STT3B: variants seen among roughly 807,000 people sequenced by gnomAD.
STT3B encodes the protein dolichyl-diphosphooligosaccharide--protein glycosyltransferase subunit STT3B.
In STT3B, 29 loss-of-function variants were observed where a neutral mutation model predicts 96.8. That is an observed-to-expected ratio of 0.30 (90% CI 0.22 to 0.41). STT3B has a LOEUF of 0.41. Among genes scored for constraint, STT3B ranks in the 10% least tolerant of loss-of-function variants. STT3B has a pLI of 1.00. For synonymous variants in STT3B, 367 were observed against 360.0 expected (o/e 1.02, Z -0.22); for missense variants, 640 against 1,022.3 (o/e 0.63, Z 5.10).
chr3:31,533,840 A>C (rs773619509), intron 1 of STT3B, among the ~76,000 whole-genome samples: 2 of 152,220 alleles, frequency 1.3e-5, no homozygotes, highest in African/African-American at 2.4e-5. Flanking sequence ...GATGTGCCGG[A>C]ACCCCGGCTG....
At chr3:31,550,041 TTTG>T (rs1467604548) in intron 1 of STT3B, among the ~76,000 whole-genome samples, 8 of 152,314 alleles carry the variant, frequency 5.3e-5, no homozygotes, top group Non-Finnish European at 1.2e-4. Context: ...TGTAATTTTT[TTTG>T]TTGTCAGTTG....
rs142381208 is a variant in STT3B at position 31,577,056 on chromosome 3, A to G, written c.423+552A>G. On this transcript the variant is annotated intron_variant, in intron 2 of 15. Coordinates refer to ENST00000295770, the MANE Select transcript of STT3B (RefSeq NM_178862.3). ...AGAAATGAAGGTGAAAGACAAAGCA[A>G]CATTGTCTTGTATCGGAGAAATATA... Among the ~76,000 whole-genome samples the G allele has an allele frequency of 1.4e-3, 212 of 152,260 alleles. 3 individuals carry two copies. In the East Asian group the frequency reaches 0.035, roughly 25 times the overall value.
intron 1 of STT3B, among the ~76,000 whole-genome samples, chr3:31,559,722 T>G (rs952693952): frequency 6.6e-6 from 1 of 152,106 alleles, no homozygotes; most frequent in Non-Finnish European, 1.5e-5. Flanking sequence ...TAATGTGCAG[T>G]TTAAATCCAG....
intron 13 of STT3B, among the ~76,000 whole-genome samples, chr3:31,627,124 A>G (rs988421766): frequency 6.6e-6 from 1 of 152,174 alleles, no homozygotes; most frequent in African/African-American, 2.4e-5. Flanking sequence ...AGGAGTCCCC[A>G]GACCCCAGGC....
At chr3:31,605,855 T>C (rs1699039863) in intron 5 of STT3B, among the ~76,000 whole-genome samples, 2 of 152,056 alleles carry the variant, frequency 1.3e-5, no homozygotes, top group African/African-American at 4.8e-5. Context: ...GGCAGGAAAA[T>C]GTGGGAAAGT....
intron 1 of STT3B, chr3:31,533,610 C>T (rs1411690381): frequency 9.1e-6 from 2 of 220,322 alleles, no homozygotes; most frequent in African/African-American, 2.3e-5. Flanking sequence ...TGGGTGCAGC[C>T]GCCGGGAGTG....
At chr3:31,624,286 T>A (rs1274434232) in intron 11 of STT3B, among the ~76,000 whole-genome samples, 1 of 152,240 alleles carries the variant, frequency 6.6e-6, no homozygotes, top group Non-Finnish European at 1.5e-5. Context: ...TATTTGAATC[T>A]ACCTTTCTTT....
At chr3:31,587,348 G>A (rs1413337979) in intron 3 of STT3B, among the ~76,000 whole-genome samples, 1 of 151,878 alleles carries the variant, frequency 6.6e-6, no homozygotes, top group Non-Finnish European at 1.5e-5. Flanking sequence ...CTGCCTCTCT[G>A]ATTTGCCTAT....
chr3:31,553,832 C>T (rs1697629616), intron 1 of STT3B, among the ~76,000 whole-genome samples: 1 of 152,166 alleles, frequency 6.6e-6, no homozygotes, highest in African/African-American at 2.4e-5. Flanking sequence ...AGATTGTCAG[C>T]TCTGTGAGGT....
intron 1 of STT3B, among the ~76,000 whole-genome samples, chr3:31,566,578 G>T (rs926139346): frequency 6.6e-6 from 1 of 151,984 alleles, no homozygotes; most frequent in Non-Finnish European, 1.5e-5. Context: ...CCACCTCAAG[G>T]CCTTTGCACT....
chr3:31,611,463 C>CA (rs1699178008), intron 5 of STT3B, among the ~76,000 whole-genome samples: 1 of 152,008 alleles, frequency 6.6e-6, no homozygotes. Context: ...CAAAGTCTGG[C>CA]AAAAAGCGTA....
intron 1 of STT3B, among the ~76,000 whole-genome samples, chr3:31,542,470 T>C (rs1478800633): frequency 1.3e-5 from 2 of 152,238 alleles, no homozygotes; most frequent in Non-Finnish European, 2.9e-5. Flanking sequence ...TCATAGTTAA[T>C]TCTTTGTTGA....
intron 1 of STT3B, among the ~76,000 whole-genome samples, chr3:31,574,363 T>C (rs1412576878): frequency 6.6e-6 from 1 of 152,160 alleles, no homozygotes; most frequent in Admixed American, 6.6e-5. Context: ...TTGGGAATTC[T>C]TTGTAAATTT....
At chr3:31,537,326 T>C (rs1481345582) in intron 1 of STT3B, among the ~76,000 whole-genome samples, 2 of 152,208 alleles carry the variant, frequency 1.3e-5, no homozygotes, top group South Asian at 4.1e-4. Context: ...TGACCTCAGT[T>C]CTGAAGAAGA....
chr3:31,553,462 A>C (rs1293539438), intron 1 of STT3B, among the ~76,000 whole-genome samples: 1 of 152,238 alleles, frequency 6.6e-6, no homozygotes, highest in Non-Finnish European at 1.5e-5. Flanking sequence ...TGGTATATGA[A>C]TATATCTCAA....
At chr3:31,533,357 C>A in intron 1 of STT3B, 45 bp downstream of exon 1, 1 of 1,423,730 alleles carries the variant, frequency 7.0e-7, no homozygotes, top group Non-Finnish European at 9.2e-7. Context: ...CCGCGGGGAA[C>A]CGGGACCCGC....
In STT3B at chr3:31,576,386, T is replaced by C; in HGVS notation, c.315-10T>C. The C allele has an allele frequency of 6.6e-7, 1 of 1,507,898 alleles. No individual in the cohort carries two copies. The highest frequency in any genetic ancestry group is 9.1e-7 in the Non-Finnish European group (1 of 1,104,834). The allele number at this position is 1,507,898 out of a possible 1,614,324, so 93.4% of individuals were successfully genotyped here. A position where few individuals can be genotyped will look rare whatever the true frequency, so the allele number is the denominator to read the frequency against. The stretch of plus-strand genomic sequence containing the variant: ...GTTTTATAACATTTCTTTTTATCTC[T>C]TTTCTCTAGGTTTAACTATAGATCA... On this transcript the variant is annotated splice_polypyrimidine_tract_variant and intron_variant, in intron 1 of 15. Coordinates refer to ENST00000295770, the MANE Select transcript of STT3B (RefSeq NM_178862.3).
chr3:31,595,855 G>A (rs1034925783), intron 3 of STT3B, among the ~76,000 whole-genome samples: 4 of 152,060 alleles, frequency 2.6e-5, no homozygotes, highest in African/African-American at 9.7e-5. Context: ...TCAAAGTTCT[G>A]CCCAAAACCA....
In STT3B at chr3:31,600,468, T is replaced by C. The variant is rs1698905093; in HGVS notation, c.877+9T>C. The C allele has an allele frequency of 7.6e-7, 1 of 1,321,218 alleles. No individual in the cohort carries two copies. Among genetic ancestry groups the C allele is most frequent in the Middle Eastern group, 1.9e-4 (1 of 5,360 alleles). The allele number at this position is 1,321,218 out of a possible 1,614,324, so 81.8% of individuals were successfully genotyped here. A position where few individuals can be genotyped will look rare whatever the true frequency, so the allele number is the denominator to read the frequency against. On this transcript the variant is annotated intron_variant, in intron 5 of 15. Transcript: ENST00000295770. ...CAAAAGAGTCTACATAGGTAAGTAA[T>C]TTGATTTTTGACATCTGTCAACTAA...
Sources: gnomAD v4.1 joint callset for allele counts (sites outside exome capture counted in the v4.1 genomes callset) on GRCh38, gnomAD v4.1.1 for gene constraint, MANE v1.5 for transcripts, NCBI Gene and HGNC (gene_info 2026-07-23, HGNC 2026-07-21) for gene names.